The following RBFOX1 variants were observed in gnomAD, a reference collection of about 807,000 sequenced individuals.
RBFOX1 encodes RNA binding fox-1 homolog 1.
A neutral mutation model predicts 57.7 loss-of-function variants in RBFOX1; 8 were observed. The ratio of observed to expected loss-of-function variants is 0.14; its 90% confidence interval spans 0.08 to 0.25. The LOEUF is 0.25. Among genes scored for constraint, RBFOX1 ranks in the 10% least tolerant of loss-of-function variants. The probability of loss-of-function intolerance (pLI) is 1.00; values close to 1 mark genes in which losing one functional copy is unlikely to be tolerated. For missense variants in RBFOX1, 611 were observed against 548.5 expected (o/e 1.11, Z -1.14); for synonymous variants, 326 against 222.4 (o/e 1.47, Z -4.15).
At position 7,676,825 on chromosome 16, in the gene RBFOX1, G is replaced by T. The variant is rs753193794; in HGVS notation, c.982G>T (p.Ala328Ser). Residue 328 changes from alanine to serine, a missense_variant, in exon 14 of 16, where the codon GCC (alanine) becomes TCC (serine). By Grantham distance (99) the Ala-to-Ser change is moderately conservative. Transcript: ENST00000550418. ...YAQPTPATAA[A>S]YSDSYGRVYA... The stretch of plus-strand genomic sequence containing the variant: ...CCAGCCTACCCCTGCCACTGCCGCT[G>T]CCTACAGTGACAGGTAAGGGTCATC... The T allele has an allele frequency of 6.2e-7, 1 of 1,612,934 alleles. No individual in the cohort carries two copies. Among genetic ancestry groups the T allele is most frequent in the Non-Finnish European group, 8.5e-7 (1 of 1,179,066 alleles).
chr16:7,411,386 C>G (rs1382025564), intron 4 of RBFOX1, among the ~76,000 whole-genome samples: 1 of 152,190 alleles, frequency 6.6e-6, no homozygotes, highest in African/African-American at 2.4e-5. Flanking sequence ...CAGTTCTACA[C>G]TCTTCCTTCT....
At chr16:6,611,707 G>C (rs1403935310) in intron 2 of RBFOX1, among the ~76,000 whole-genome samples, 1 of 152,104 alleles carries the variant, frequency 6.6e-6, no homozygotes, top group Non-Finnish European at 1.5e-5. Flanking sequence ...GTGGCTTCTG[G>C]ATATTTTCAC....
At position 6,290,690 on chromosome 16, in the gene RBFOX1, T is replaced by A. The variant is rs1483672025; in HGVS notation, c.-126-26305T>A. ...TCAGGTGTTCAGTGAATATTGGAGGTGTTTGTTGTGGTGGTGGTAGTTTTT... is the reference window on the plus strand; with the variant it reads ...TCAGGTGTTCAGTGAATATTGGAGGAGTTTGTTGTGGTGGTGGTAGTTTTT... On this transcript the variant is annotated intron_variant, in intron 1 of 15. Transcript: ENST00000550418. 2.0e-5 allele frequency among the ~76,000 whole-genome samples: 3 copies of A among 152,144 alleles called. No homozygotes were observed. The East Asian group carries it at 5.8e-4, about 29-fold the overall frequency.
At chr16:7,510,171 C>G (rs2074624122) in intron 4 of RBFOX1, 1 of 985,740 alleles carries the variant, frequency 1.0e-6, no homozygotes, top group South Asian at 4.7e-5. Flanking sequence ...CCACCTTCCT[C>G]AACACCCCGA....
intron 1 of RBFOX1, among the ~76,000 whole-genome samples, chr16:6,239,519 G>C (rs71392467): frequency 1.1e-5 from 1 of 92,678 alleles, no homozygotes; most frequent in South Asian, 3.8e-4. Flanking sequence ...TTTTTTCTGA[G>C]ATAGAGTCTT....
chr16:5,809,724 G>T (rs1032020238), intron 3 of RBFOX1, among the ~76,000 whole-genome samples: 1 of 152,196 alleles, frequency 6.6e-6, no homozygotes, highest in Non-Finnish European at 1.5e-5. Flanking sequence ...TACACTGTTG[G>T]TGGGACAGTA....
intron 3 of RBFOX1, among the ~76,000 whole-genome samples, chr16:5,856,261 G>GTATA (rs34182050): frequency 3.0e-5 from 2 of 66,740 alleles, no homozygotes; most frequent in African/African-American, 1.3e-4. Flanking sequence ...GTATATATAT[G>GTATA]TATATATATA....
chr16:6,040,588 C>T (rs931206112), intron 1 of RBFOX1, among the ~76,000 whole-genome samples: 1 of 151,110 alleles, frequency 6.6e-6, no homozygotes, highest in Non-Finnish European at 1.5e-5. Context: ...CTCTCTCTTT[C>T]TTTCTTATTT....
At chr16:7,227,388 C>G (rs190164857) in intron 4 of RBFOX1, among the ~76,000 whole-genome samples, 2 of 150,854 alleles carry the variant, frequency 1.3e-5, no homozygotes, top group Middle Eastern at 3.5e-3. Context: ...ATCCTCCTCT[C>G]GTAACCTTCA....
chr16:6,691,011 C>T (rs2060131955), intron 3 of RBFOX1, among the ~76,000 whole-genome samples: 3 of 152,080 alleles, frequency 2.0e-5, no homozygotes, highest in East Asian at 1.9e-4. Flanking sequence ...CAAGTACCAG[C>T]GCTTGCAGCT....
chr16:7,628,618 A>G (rs987055806), intron 10 of RBFOX1, among the ~76,000 whole-genome samples: 5 of 151,780 alleles, frequency 3.3e-5, no homozygotes, highest in African/African-American at 1.2e-4. Flanking sequence ...GTTGTGATAA[A>G]CTTTTTTTTT....
At chr16:7,607,371 A>G (rs1507010) in intron 10 of RBFOX1, 33 bp downstream of exon 10, 760,703 of 1,593,072 alleles carry the variant, frequency 0.48, 188,819 homozygotes, top group Non-Finnish European at 0.51. Flanking sequence ...AAGTCTTCTC[A>G]GTCTTTTCTA....
At position 7,191,376 on chromosome 16, in the gene RBFOX1, T is replaced by C. The variant is rs551274065; in HGVS notation, c.27+139278T>C. 5.3e-5 allele frequency among the ~76,000 whole-genome samples: 8 copies of C among 151,790 alleles called. No individual in the cohort carries two copies. The East Asian group carries it at 9.7e-4, about 18-fold the overall frequency. On this transcript the variant is annotated intron_variant, in intron 4 of 15. Transcript: ENST00000550418. ...AACAGCACATTGCTACAATATTTCC[T>C]GGATGCTTTACAATACACTGTGACA...
At chr16:7,701,975 T>C (rs1274126613) in intron 14 of RBFOX1, among the ~76,000 whole-genome samples, 1 of 152,220 alleles carries the variant, frequency 6.6e-6, no homozygotes, top group African/African-American at 2.4e-5. Context: ...CAAATCTTTC[T>C]GTAGGGCAGA....
chr16:7,112,312 C>A (rs1437202716), intron 4 of RBFOX1, among the ~76,000 whole-genome samples: 1 of 152,046 alleles, frequency 6.6e-6, no homozygotes, highest in African/African-American at 2.4e-5. Context: ...AAGTGATCCT[C>A]CAGCCTCAGA....
intron 3 of RBFOX1, among the ~76,000 whole-genome samples, chr16:6,967,678 C>T (rs1034583424): frequency 6.6e-6 from 1 of 151,934 alleles, no homozygotes; most frequent in Non-Finnish European, 1.5e-5. Context: ...TTCTAAGGGC[C>T]TGGTTCAAGA....
chr16:5,859,873 C>T (rs555287660), intron 3 of RBFOX1, among the ~76,000 whole-genome samples: 7 of 152,166 alleles, frequency 4.6e-5, no homozygotes, highest in Non-Finnish European at 7.3e-5. Context: ...TAGGCAGCGC[C>T]TGCTGGGCAT....
intron 3 of RBFOX1, among the ~76,000 whole-genome samples, chr16:6,784,124 C>T (rs1228763851): frequency 3.3e-5 from 5 of 151,966 alleles, no homozygotes; most frequent in African/African-American, 9.7e-5. Context: ...GTTTCATCTG[C>T]TTGGTGTTGC....
chr16:6,547,641 T>C (rs1347710431), intron 2 of RBFOX1, among the ~76,000 whole-genome samples: 2 of 152,182 alleles, frequency 1.3e-5, no homozygotes, highest in African/African-American at 4.8e-5. Context: ...TACAGACTTC[T>C]AGAAATATAG....
Sources: gnomAD v4.1 joint callset for allele counts (sites outside exome capture counted in the v4.1 genomes callset) on GRCh38, gnomAD v4.1.1 for gene constraint, MANE v1.5 for transcripts, NCBI Gene and HGNC (gene_info 2026-07-23, HGNC 2026-07-21) for gene names.